The following DNAH11 variants were observed in gnomAD, a reference collection of about 807,000 sequenced individuals.
The protein encoded by DNAH11 is dynein axonemal heavy chain 11.
In DNAH11, 442 loss-of-function variants were observed where a neutral mutation model predicts 526.0. The ratio of observed to expected loss-of-function variants is 0.84; its 90% CI spans 0.78 to 0.91. DNAH11 has a LOEUF of 0.91. Among genes scored for constraint, DNAH11 ranks in the 40% least tolerant of loss-of-function variants. DNAH11 has a pLI of 0.00. For missense variants in DNAH11, 6,989 were observed against 5,448.7 expected (o/e 1.28, Z -8.90); for synonymous variants, 2,461 against 1,935.9 (o/e 1.27, Z -7.12).
chr7:21,543,079 C>A lies in DNAH11; in HGVS notation c.-167C>A. The A allele has an allele frequency of 7.3e-7, 1 of 1,376,216 alleles. No homozygotes were observed. Among genetic ancestry groups the A allele is most frequent in the Non-Finnish European group, 9.5e-7 (1 of 1,057,044 alleles). The allele number at this position is 1,376,216 out of a possible 1,614,324, so 85.3% of individuals were successfully genotyped here. ...TTCGGCCTGCGAGGCTACAGCTGTG[C>A]GCAGTGGCGCGGCTGCTAAGTAGCA... On this transcript the variant is annotated 5_prime_UTR_variant, in exon 1 of 82. Coordinates refer to ENST00000409508, the MANE Select transcript of DNAH11 (RefSeq NM_001277115.2).
chr7:21,654,482 A>C (rs952767219), intron 28 of DNAH11, among the ~76,000 whole-genome samples: 22 of 152,176 alleles, frequency 1.4e-4, no homozygotes, highest in African/African-American at 5.1e-4. Flanking sequence ...TTATCCATTC[A>C]TCATTTGATG....
intron 44 of DNAH11, among the ~76,000 whole-genome samples, chr7:21,721,117 C>T (rs557000537): frequency 2.0e-5 from 3 of 152,290 alleles, no homozygotes; most frequent in Admixed American, 6.5e-5. Flanking sequence ...GCTCTGGGGC[C>T]TCGCCTTCAG....
chr7:21,588,199 C>T lies in DNAH11; in HGVS notation c.1846C>T (p.Gln616Ter). Residue 616 changes from glutamine (Q) to a stop codon, truncating the protein, a stop_gained and splice_region_variant, in exon 10 of 82, where the codon CAG becomes TAG. Transcript: ENST00000409508. LOFTEE classifies it high-confidence loss of function. ...CKQLYNEHMK[Q>*]IECGHVVLNK... ...GCAACTGTATAATGAACACATGAAA[C>T]AGGTAAGTGGTGGATAAGGTTGGAC... 3 of 1,610,646 alleles carry T rather than the reference C, an allele frequency of 1.9e-6. No homozygotes were observed. The highest frequency in any genetic ancestry group is 2.5e-6 in the Non-Finnish European group (3 of 1,178,764).
intron 44 of DNAH11, 113 bp from the exon 45 acceptor site, chr7:21,725,698 A>T (rs1347768499): frequency 1.9e-6 from 2 of 1,033,674 alleles, no homozygotes; most frequent in East Asian, 5.2e-5. Flanking sequence ...CTTGATGGGT[A>T]TATGGCAATT....
At chr7:21,727,517 T>C (rs1439222696) in intron 45 of DNAH11, among the ~76,000 whole-genome samples, 1 of 152,254 alleles carries the variant, frequency 6.6e-6, no homozygotes, top group East Asian at 1.9e-4. Context: ...CTTTCTCTCT[T>C]TCTTCACTGT....
chr7:21,626,973 A>G (rs1003036853), intron 25 of DNAH11, among the ~76,000 whole-genome samples: 1 of 151,884 alleles, frequency 6.6e-6, no homozygotes, highest in Non-Finnish European at 1.5e-5. Flanking sequence ...GATGGTCTCG[A>G]TCTCCTGACC....
At chr7:21,557,780 C>T (rs1783278360) in intron 2 of DNAH11, among the ~76,000 whole-genome samples, 2 of 152,136 alleles carry the variant, frequency 1.3e-5, no homozygotes, top group African/African-American at 2.4e-5. Flanking sequence ...ATATTTCTCC[C>T]GTGTTTTCAT....
chr7:21,689,605 C>G (rs1783524721), intron 34 of DNAH11, among the ~76,000 whole-genome samples: 1 of 152,264 alleles, frequency 6.6e-6, no homozygotes, highest in Non-Finnish European at 1.5e-5. Context: ...AGCCACCGCT[C>G]TGCGTGTGAG....
chr7:21,616,103 C>G (rs908241391), intron 21 of DNAH11, 106 bp from the exon 22 acceptor site: 8 of 821,928 alleles, frequency 9.7e-6, no homozygotes, highest in Admixed American at 7.2e-5. Flanking sequence ...AATTGACTTT[C>G]CACTGGATGA....
chr7:21,779,239 A>C, intron 57 of DNAH11, 135 bp downstream of exon 57: 8 of 1,076,856 alleles, frequency 7.4e-6, no homozygotes, highest in Non-Finnish European at 1.0e-5. Context: ...CACATGTAAC[A>C]GCATTTCACA....
At chr7:21,664,120 C>T (rs1388927236) in intron 30 of DNAH11, among the ~76,000 whole-genome samples, 1 of 141,842 alleles carries the variant, frequency 7.1e-6, no homozygotes, top group East Asian at 2.0e-4. Context: ...GTTATTATAT[C>T]TCAATTTCCC....
At chr7:21,857,911 TAAA>T (rs1583780390) in intron 68 of DNAH11, among the ~76,000 whole-genome samples, 1 of 152,166 alleles carries the variant, frequency 6.6e-6, no homozygotes, top group African/African-American at 2.4e-5. Flanking sequence ...CAATAGAAAA[TAAA>T]AACTTAATAA....
rs781703492 is a variant in DNAH11 at position 21,738,836 on chromosome 7, T to C, written c.7781T>C (p.Leu2594Pro). The change falls in exon 47 of 82, where the codon CTG (leucine) becomes CCG (proline). Residue 2594 changes from leucine (L) to proline (P), a missense_variant. Leu to Pro is a moderately conservative substitution (Grantham distance 98, BLOSUM62 -3). Coordinates refer to ENST00000409508, the MANE Select transcript of DNAH11 (RefSeq NM_001277115.2). Reference sequence around the variant, plus strand: ...TATGGCACCGTTCAGCCTCACACCCTGATCCGGCAGCATATTGATTATGGA... The same window carrying C: ...TATGGCACCGTTCAGCCTCACACCCCGATCCGGCAGCATATTGATTATGGA... ...DLYGTVQPHT[L>P]IRQHIDYGHW... The C allele has an allele frequency of 6.2e-7, 1 of 1,603,250 alleles. No individual in the cohort carries two copies. Among genetic ancestry groups the C allele is most frequent in the South Asian group, 1.1e-5 (1 of 87,568 alleles).
intron 51 of DNAH11, among the ~76,000 whole-genome samples, chr7:21,746,730 C>G (rs566729232): frequency 6.6e-6 from 1 of 152,264 alleles, no homozygotes; most frequent in East Asian, 1.9e-4. Context: ...AGAGCCCTTC[C>G]TGTCACCACA....
chr7:21,610,098 CA>C (rs1402391307), intron 20 of DNAH11, among the ~76,000 whole-genome samples: 4 of 152,080 alleles, frequency 2.6e-5, no homozygotes, highest in African/African-American at 9.7e-5. Flanking sequence ...ACTAAAAATA[CA>C]AAAAATTAGC....
intron 35 of DNAH11, among the ~76,000 whole-genome samples, chr7:21,693,357 GC>G (rs1783709395): frequency 6.6e-6 from 1 of 152,152 alleles, no homozygotes. Flanking sequence ...AATAGGTACT[GC>G]TGGATTCAAT....
chr7:21,875,853 T>G (rs1783685486), intron 74 of DNAH11, among the ~76,000 whole-genome samples: 1 of 151,288 alleles, frequency 6.6e-6, no homozygotes, highest in South Asian at 2.1e-4. Flanking sequence ...GAAGGGCTTT[T>G]AGGAACTTCA....
chr7:21,626,158 C>T (rs1786322280), intron 25 of DNAH11, among the ~76,000 whole-genome samples: 1 of 152,072 alleles, frequency 6.6e-6, no homozygotes, highest in Admixed American at 6.6e-5. Context: ...AACACTGGGT[C>T]TTATGAGACC....
rs137901619 is a variant in DNAH11, at chr7:21,548,933, G to C, written c.495+3784G>C. 5.9e-3 allele frequency among the ~76,000 whole-genome samples: 898 copies of C among 151,762 alleles called. 8 individuals carry two copies. Among genetic ancestry groups the C allele is most frequent in the African/African-American group, 0.021 (848 of 41,362 alleles). ...TTTTGCTCTTATTGCCCAGGCTGGA[G>C]TGCAATGGCGCAATCTCAGCTCACT... On this transcript the variant is annotated intron_variant, in intron 2 of 81. Coordinates refer to ENST00000409508, the MANE Select transcript of DNAH11 (RefSeq NM_001277115.2).
Sources: allele counts gnomAD v4.1 joint callset (sites outside exome capture counted in the v4.1 genomes callset), GRCh38; gene constraint gnomAD v4.1.1; transcripts MANE v1.5; gene names NCBI Gene and HGNC (gene_info 2026-07-23, HGNC 2026-07-21).